The following FARSB variants were observed in gnomAD, a reference collection of about 807,000 sequenced individuals.
FARSB encodes the protein phenylalanine--tRNA ligase beta subunit.
Under a neutral mutation model 69.6 loss-of-function variants are expected in FARSB, and 40 were observed. The observed-to-expected ratio is 0.57, with a 90% CI of 0.45 to 0.75. The LOEUF is 0.75. Ranked by LOEUF, FARSB falls within the 30% of genes least tolerant of loss-of-function variation. FARSB has a pLI of 0.00. For synonymous variants in FARSB, 235 were observed against 247.2 expected, an observed-to-expected ratio of 0.95 and a Z score of 0.46; for missense variants, 632 against 722.9, an observed-to-expected ratio of 0.87 and a Z score of 1.44.
chr2:222,624,166 G>A (rs1574939344), intron 12 of FARSB, 106 bp downstream of exon 12: 1 of 775,200 alleles, frequency 1.3e-6, no homozygotes, highest in East Asian at 2.4e-5. Context: ...TGCAGAGCAT[G>A]TCCAAATACT....
At position 222,624,284 on chromosome 2, in the gene FARSB, G is replaced by T. The variant is rs753031826; in HGVS notation, c.1158C>A (p.Thr386=). The change falls in exon 12 of 17, where the codon ACC becomes ACA. Residue 386 remains threonine, a synonymous_variant. Coordinates refer to ENST00000281828, the MANE Select transcript of FARSB (RefSeq NM_005687.5). ...NIQMTLPKTY[T]IANQFPLNKL... is the part of the protein sequence containing the mutation. ...GGTGCAATCTTACTTGATTAGCTAT[G>T]GTGTAAGTTTTCGGGAGAGTCATCT... The T allele has an allele frequency of 6.2e-7, 1 of 1,600,818 alleles. No homozygotes were observed. Among genetic ancestry groups the T allele is most frequent in the East Asian group, 2.2e-5 (1 of 44,822 alleles).
chr2:222,594,031 T>C (rs529895033), intron 16 of FARSB, among the ~76,000 whole-genome samples: 5 of 134,622 alleles, frequency 3.7e-5, no homozygotes, highest in Non-Finnish European at 7.6e-5. Context: ...CCAAGGCAGG[T>C]GGATTGTTTG....
At chr2:222,643,136 T>C (rs1378584722) in intron 2 of FARSB, 131 bp from the exon 3 acceptor site, 1 of 510,958 alleles carries the variant, frequency 2.0e-6, no homozygotes, top group East Asian at 2.9e-5. Context: ...GGGATTATTA[T>C]ATCCACGACA....
intron 3 of FARSB, 119 bp from the exon 4 acceptor site, chr2:222,641,050 A>C (rs1288845200): frequency 4.7e-6 from 2 of 427,978 alleles, no homozygotes. Flanking sequence ...GTTGAGTTAC[A>C]GCAAGTCAAA....
intron 16 of FARSB, among the ~76,000 whole-genome samples, chr2:222,596,797 G>A (rs905739553): frequency 5.9e-5 from 9 of 151,960 alleles, no homozygotes; most frequent in Non-Finnish European, 1.3e-4. Context: ...ATGTGTGTAC[G>A]TGTGTGTGTA....
intron 14 of FARSB, among the ~76,000 whole-genome samples, chr2:222,615,051 T>C (rs1037760888): frequency 2.6e-5 from 4 of 152,136 alleles, no homozygotes; most frequent in Admixed American, 1.3e-4. Context: ...GCATGTACAG[T>C]CATTTCATTC....
In FARSB at chr2:222,633,047, T is replaced by G. The variant is rs1040536251; in HGVS notation, c.715+152A>C. 5 of 587,716 alleles carry G rather than the reference T, an allele frequency of 8.5e-6. No individual in the cohort carries two copies. In the African/African-American group the frequency reaches 9.7e-5, roughly 11 times the overall value. The allele number at this position is 587,716 out of a possible 1,614,324, so 36.4% of individuals were successfully genotyped here. A position where few individuals can be genotyped will look rare whatever the true frequency, so the allele number is the denominator to read the frequency against. The stretch of plus-strand genomic sequence containing the variant: ...AATAAAATGTTGTTGAATAAATGAA[T>G]GAAAAGAATGATTAGAATCTACAAA... On this transcript the variant is annotated intron_variant, in intron 7 of 16. Transcript: ENST00000281828.
At position 222,571,832 on chromosome 2, in the gene FARSB, G is replaced by A. The variant is rs1390456356; in HGVS notation, c.*39C>T. The stretch of plus-strand genomic sequence containing the variant: ...TTAAGGACACTAGGGGAGGAGAAAG[G>A]GACACCTGGGAAGAGAATCACACCA... On this transcript the variant is annotated 3_prime_UTR_variant, in exon 17 of 17. Transcript: ENST00000281828. The A allele has an allele frequency of 6.4e-7, 1 of 1,574,204 alleles. No homozygotes were observed. The highest frequency in any genetic ancestry group is 2.3e-5 in the East Asian group (1 of 44,140).
chr2:222,649,583 T>C (rs757654241), intron 1 of FARSB, among the ~76,000 whole-genome samples: 10 of 152,258 alleles, frequency 6.6e-5, no homozygotes, highest in Non-Finnish European at 1.5e-4. Context: ...TTATGTAAAC[T>C]TTCTTGGTAT....
chr2:222,575,554 C>T lies in FARSB; in HGVS notation c.1619-3532G>A, dbSNP rs562213455. On this transcript the variant is annotated intron_variant, in intron 16 of 16. Transcript: ENST00000281828. ...AAAATGCTCCCCAGCAAAAAGCCTC[C>T]GAGCCCGCTTTTCTACCTACTTCCT... 3.3e-5 allele frequency among the ~76,000 whole-genome samples: 5 copies of T among 152,312 alleles called. No homozygotes were observed. The South Asian group carries it at 6.2e-4, about 19-fold the overall frequency.
chr2:222,605,642 G>A (rs1190576880), intron 15 of FARSB, among the ~76,000 whole-genome samples: 1 of 152,160 alleles, frequency 6.6e-6, no homozygotes, highest in Non-Finnish European at 1.5e-5. Flanking sequence ...TGTAGGCCAG[G>A]CACAGTGGCT....
intron 15 of FARSB, among the ~76,000 whole-genome samples, chr2:222,604,135 G>A (rs139857055): frequency 1.8e-3 from 267 of 151,642 alleles, no homozygotes; most frequent in African/African-American, 5.9e-3. Flanking sequence ...GGAGAATGGC[G>A]TGAACCCGGG....
Position 222,631,563 on chromosome 2 carries a change from C to T in FARSB, c.786+41G>A, listed in dbSNP as rs747144783. 3.6e-5 allele frequency: 39 copies of T among 1,071,814 alleles called. No individual in the cohort carries two copies. In the South Asian group the frequency reaches 4.5e-4, roughly 12 times the overall value. The allele number at this position is 1,071,814 out of a possible 1,614,324, so 66.4% of individuals were successfully genotyped here. ...GTCTTGGTCCGGAAATAAAATCTAT[C>T]CCAGCTGATCATACAAAAATTGAGT... On this transcript the variant is annotated intron_variant, in intron 8 of 16. Transcript: ENST00000281828.
At chr2:222,618,495 TA>T (rs1691053999) in intron 14 of FARSB, among the ~76,000 whole-genome samples, 1 of 152,152 alleles carries the variant, frequency 6.6e-6, no homozygotes. Context: ...AAATCTAGGT[TA>T]AAAAACATAC....
At chr2:222,644,892 C>G (rs1460905055) in intron 2 of FARSB, among the ~76,000 whole-genome samples, 2 of 151,420 alleles carry the variant, frequency 1.3e-5, no homozygotes, top group African/African-American at 2.4e-5. Context: ...CACCTATTTT[C>G]AAACCACAGT....
intron 11 of FARSB, 61 bp from the exon 12 acceptor site, chr2:222,624,540 T>A: frequency 8.5e-7 from 1 of 1,180,218 alleles, no homozygotes; most frequent in Non-Finnish European, 1.3e-6. Context: ...GTTTACATTG[T>A]GTTTCAACAT....
At chr2:222,641,624 C>T (rs185436089) in intron 3 of FARSB, among the ~76,000 whole-genome samples, 1 of 152,296 alleles carries the variant, frequency 6.6e-6, no homozygotes, top group East Asian at 1.9e-4. Flanking sequence ...AAGTAGAAAA[C>T]ATTTTAAGTT....
rs1486223885 is a variant in FARSB at position 222,569,125 on chromosome 2, T to C, written c.*2746A>G. 3 of 152,240 alleles carry C rather than the reference T, an allele frequency of 2.0e-5. No individual in the cohort carries two copies. The highest frequency in any genetic ancestry group is 4.4e-5 in the Non-Finnish European group (3 of 68,036). 9.4% of individuals were successfully genotyped at this position (152,240 alleles called of 1,614,324 possible). Reference sequence around the variant, plus strand: ...CATGAGCTGGATTCGCTTCTTCCAATGCAGCCGACACTGTTTTTCTGCCTA... The same window carrying C: ...CATGAGCTGGATTCGCTTCTTCCAACGCAGCCGACACTGTTTTTCTGCCTA... On this transcript the variant is annotated 3_prime_UTR_variant, in exon 17 of 17. Coordinates refer to ENST00000281828, the MANE Select transcript of FARSB (RefSeq NM_005687.5).
At chr2:222,584,177 G>A (rs1421847450) in intron 16 of FARSB, among the ~76,000 whole-genome samples, 1 of 151,694 alleles carries the variant, frequency 6.6e-6, no homozygotes, top group East Asian at 1.9e-4. Context: ...AGTATTCAGG[G>A]GTAACACGAT....
Sources: allele counts gnomAD v4.1 joint callset (sites outside exome capture counted in the v4.1 genomes callset), GRCh38; gene constraint gnomAD v4.1.1; transcripts MANE v1.5; gene names NCBI Gene and HGNC (gene_info 2026-07-23, HGNC 2026-07-21).